The following SH3RF1 variants were observed in gnomAD, a reference collection of about 807,000 sequenced individuals.
SH3RF1 encodes E3 ubiquitin-protein ligase SH3RF1.
Under a neutral mutation model 74.0 loss-of-function variants are expected in SH3RF1, and 32 were observed. The observed-to-expected ratio is 0.43, with a 90% CI of 0.33 to 0.58. SH3RF1 has a LOEUF of 0.58. Ranked by LOEUF, SH3RF1 falls within the 20% of genes least tolerant of loss-of-function variation. SH3RF1 has a pLI of 0.05. For missense variants in SH3RF1, 954 were observed against 1,130.9 expected, an observed-to-expected ratio of 0.84 and a Z score of 2.24; for synonymous variants, 396 against 439.6, an observed-to-expected ratio of 0.90 and a Z score of 1.24.
At chr4:169,267,585 T>A (rs368033713) in intron 2 of SH3RF1, among the ~76,000 whole-genome samples, 1 of 152,308 alleles carries the variant, frequency 6.6e-6, no homozygotes, top group African/African-American at 2.4e-5. Flanking sequence ...TAAATAAATA[T>A]GTCAAAAGAA....
intron 2 of SH3RF1, among the ~76,000 whole-genome samples, chr4:169,173,353 A>T (rs1406020822): frequency 2.0e-5 from 3 of 152,142 alleles, no homozygotes; most frequent in African/African-American, 7.2e-5. Context: ...ACATTAGTAA[A>T]ACTCCCACCG....
chr4:169,179,107 C>T (rs1459866063), intron 2 of SH3RF1, among the ~76,000 whole-genome samples: 1 of 152,132 alleles, frequency 6.6e-6, no homozygotes, highest in African/African-American at 2.4e-5. Flanking sequence ...ATTATCCTGG[C>T]TTATCCAGGT....
At chr4:169,216,766 A>G (rs1730469988) in intron 2 of SH3RF1, among the ~76,000 whole-genome samples, 2 of 152,082 alleles carry the variant, frequency 1.3e-5, no homozygotes, top group Admixed American at 6.6e-5. Context: ...TGACAATTTG[A>G]TATTTCATTT....
chr4:169,248,236 C>T (rs1253652298), intron 2 of SH3RF1, among the ~76,000 whole-genome samples: 3 of 152,144 alleles, frequency 2.0e-5, no homozygotes, highest in Non-Finnish European at 4.4e-5. Context: ...TTGGAACCAA[C>T]CCAAATGCCC....
intron 2 of SH3RF1, among the ~76,000 whole-genome samples, chr4:169,177,128 A>G (rs927564013): frequency 6.6e-6 from 1 of 152,202 alleles, no homozygotes; most frequent in African/African-American, 2.4e-5. Context: ...TTGATGGATA[A>G]TAAGCCATCT....
In SH3RF1 at chr4:169,125,618, T is replaced by C. The variant is rs552557167; in HGVS notation, c.1180-3352A>G. On this transcript the variant is annotated intron_variant, in intron 6 of 11. Coordinates refer to ENST00000284637, the MANE Select transcript of SH3RF1 (RefSeq NM_020870.4). ...TTTCTAATTGTCTCTTACGTGTGTA[T>C]CTCCCTCACACACTCCCAGGGTAGA... 1.9e-3 allele frequency among the ~76,000 whole-genome samples: 282 copies of C among 152,278 alleles called. 6 individuals are homozygous for C. In the South Asian group the frequency reaches 0.038, roughly 20 times the overall value.
intron 2 of SH3RF1, among the ~76,000 whole-genome samples, chr4:169,169,299 T>G (rs1561043079): frequency 6.6e-6 from 1 of 151,982 alleles, no homozygotes; most frequent in African/African-American, 2.4e-5. Context: ...GTCTTTTCAT[T>G]AAAAAAATAA....
At chr4:169,202,660 GCCTC>G (rs1561051994) in intron 2 of SH3RF1, among the ~76,000 whole-genome samples, 14 of 152,196 alleles carry the variant, frequency 9.2e-5, no homozygotes, top group Non-Finnish European at 1.8e-4. Flanking sequence ...TTCCAAGCCT[GCCTC>G]CCTATTTCTA....
chr4:169,147,109 C>A (rs998332012), intron 4 of SH3RF1, among the ~76,000 whole-genome samples: 1 of 152,156 alleles, frequency 6.6e-6, no homozygotes, highest in Non-Finnish European at 1.5e-5. Flanking sequence ...TTAAATTGGT[C>A]TCAGTTCACT....
chr4:169,101,947 C>T (rs1210890440), intron 11 of SH3RF1, among the ~76,000 whole-genome samples: 3 of 152,146 alleles, frequency 2.0e-5, no homozygotes, highest in African/African-American at 7.2e-5. Flanking sequence ...TTTTAACTTC[C>T]ATCTGAATGG....
At chr4:169,160,976 T>C (rs1480543224) in intron 2 of SH3RF1, among the ~76,000 whole-genome samples, 1 of 152,046 alleles carries the variant, frequency 6.6e-6, no homozygotes, top group African/African-American at 2.4e-5. Flanking sequence ...GGTCTGAGAG[T>C]CATGTCATCA....
Position 169,116,436 on chromosome 4 carries a change from A to C in SH3RF1, c.1972T>G (p.Cys658Gly), listed in dbSNP as rs1415025326. ...GAAGTCAGTGGAGCAGCTGCTGCAC[A>C]GGCCAGAGGGGCACTGGCTCGACTG... ...SISRASAPLA[C>G]AAAAPLTSPS... The change falls in exon 10 of 12, where the codon TGT (cysteine) becomes GGT (glycine). Residue 658 changes from cysteine to glycine, a missense_variant. Physicochemically the swap from Cys to Gly is radical, Grantham distance 159 (BLOSUM62 -3). This residue lies in a region of SH3RF1 where 854 missense variants were observed against 962.5 expected (regional missense o/e 0.89). Coordinates refer to ENST00000284637, the MANE Select transcript of SH3RF1 (RefSeq NM_020870.4). 1 of 1,614,022 alleles carries C rather than the reference A, an allele frequency of 6.2e-7. No individual in the cohort carries two copies. The highest frequency in any genetic ancestry group is 2.2e-5 in the East Asian group (1 of 44,882).
In SH3RF1 at chr4:169,108,399, C is replaced by T. The variant is rs183297903; in HGVS notation, c.2140-1194G>A. Among the ~76,000 whole-genome samples, 8 of 152,236 alleles carry T rather than the reference C, an allele frequency of 5.3e-5. No homozygotes were observed. The East Asian group carries it at 1.5e-3, about 29-fold the overall frequency. ...CCTAACAACATTGTTCCATTAGAGA[C>T]AGTATGGCAGAAAAAAGGAGACAAA... is the stretch of plus-strand genomic sequence containing the variant. On this transcript the variant is annotated intron_variant, in intron 10 of 11. Coordinates refer to ENST00000284637, the MANE Select transcript of SH3RF1 (RefSeq NM_020870.4).
intron 2 of SH3RF1, among the ~76,000 whole-genome samples, chr4:169,226,740 T>C (rs975124710): frequency 5.9e-5 from 9 of 152,238 alleles, no homozygotes; most frequent in African/African-American, 2.4e-5. Flanking sequence ...TTACACAGTA[T>C]GCCAAAACTG....
chr4:169,139,195 G>C (rs1273384602), intron 4 of SH3RF1, among the ~76,000 whole-genome samples: 1 of 152,178 alleles, frequency 6.6e-6, no homozygotes, highest in Non-Finnish European at 1.5e-5. Context: ...TCCTGTCTCA[G>C]CCTTTCAAAG....
Position 169,156,539 on chromosome 4 carries a change from T to C in SH3RF1, c.534A>G (p.Gly178=). Residue 178 remains glycine, a synonymous_variant, in exon 3 of 12, where the codon GGA becomes GGG. Transcript: ENST00000284637. ...DENWYHGEVN[G]IHGFFPTNFV... is the part of the protein sequence containing the mutation. ...AGTTGGTGGGGAAAAAGCCATGGAT[T>C]CCATTGACTTCCCCATGGTACCAAT... The C allele has an allele frequency of 6.2e-7, 1 of 1,614,116 alleles. No individual in the cohort carries two copies. The highest frequency in any genetic ancestry group is 8.5e-7 in the Non-Finnish European group (1 of 1,179,998).
intron 11 of SH3RF1, among the ~76,000 whole-genome samples, chr4:169,103,086 A>ATTTTTTTTTTTTTTTTT (rs60740517): frequency 5.7e-5 from 5 of 87,072 alleles, no homozygotes; most frequent in Non-Finnish European, 8.6e-5. Flanking sequence ...GCGCCTGGCT[A>ATTTTTTTTTTTTTTTTT]TTTTTTTTTT....
At chr4:169,165,218 GC>G (rs893348325) in intron 2 of SH3RF1, among the ~76,000 whole-genome samples, 34 of 152,256 alleles carry the variant, frequency 2.2e-4, no homozygotes, top group African/African-American at 7.9e-4. Context: ...CCACTGCCCT[GC>G]CCTAGGCCTC....
At chr4:169,202,349 T>G (rs1367340011) in intron 2 of SH3RF1, among the ~76,000 whole-genome samples, 4 of 152,154 alleles carry the variant, frequency 2.6e-5, no homozygotes, top group Non-Finnish European at 5.9e-5. Context: ...CTCAGCCCTC[T>G]CTATTTTTCT....
Sources: gnomAD v4.1 joint callset for allele counts (sites outside exome capture counted in the v4.1 genomes callset) on GRCh38, gnomAD v4.1.1 for gene constraint, gnomAD v4.1.1 regional missense constraint, MANE v1.5 for transcripts, NCBI Gene and HGNC (gene_info 2026-07-23, HGNC 2026-07-21) for gene names.